The following ODR4 variants were observed in gnomAD, a reference collection of about 807,000 sequenced individuals.
ODR4 encodes the protein protein odr-4 homolog.
In ODR4, 47 loss-of-function variants were observed where a neutral mutation model predicts 60.2. The observed-to-expected ratio is 0.78, with a 90% CI of 0.62 to 1.00. ODR4 has a LOEUF of 1.00. Among genes scored for constraint, ODR4 ranks in the 50% least tolerant of loss-of-function variants. The pLI is 0.00. For missense variants in ODR4, 488 were observed against 530.8 expected, an observed-to-expected ratio of 0.92 and a Z score of 0.79; for synonymous variants, 178 against 175.5, an observed-to-expected ratio of 1.01 and a Z score of -0.11.
At chr1:186,430,337 C>T in the ODR4 span, among the ~76,000 whole-genome samples, 1 of 151,980 alleles carries the variant, frequency 6.6e-6, no homozygotes, top group Non-Finnish European at 1.5e-5. Flanking sequence ...GTACAAAAAT[C>T]CTTAATTAAA....
chr1:186,410,647 C>G (rs1661344263), intron 12 of ODR4, among the ~76,000 whole-genome samples: 1 of 152,058 alleles, frequency 6.6e-6, no homozygotes, highest in South Asian at 2.1e-4. Flanking sequence ...ATAATTTAAT[C>G]AGAAAAAAGT....
At chr1:186,388,585 G>C (rs1302942816) in intron 5 of ODR4, 37 bp downstream of exon 5, 1 of 1,171,342 alleles carries the variant, frequency 8.5e-7, no homozygotes, top group Admixed American at 3.2e-5. Flanking sequence ...AAAGTACAAA[G>C]TACCAAAATA....
intron 12 of ODR4, among the ~76,000 whole-genome samples, chr1:186,415,109 G>GT (rs34947095): frequency 0.089 from 13,459 of 151,770 alleles, 941 homozygotes; most frequent in East Asian, 0.38. Context: ...AGGGGGGAGG[G>GT]TTTTTTTGTT....
intron 12 of ODR4, among the ~76,000 whole-genome samples, chr1:186,411,437 C>T (rs1001046778): frequency 1.3e-5 from 2 of 151,974 alleles, no homozygotes; most frequent in African/African-American, 2.4e-5. Context: ...TTTGCTTTTG[C>T]AAATAAATAA....
chr1:186,380,071 CCT>C (rs1659967578), intron 2 of ODR4, among the ~76,000 whole-genome samples, 187 bp downstream of exon 2: 1 of 152,118 alleles, frequency 6.6e-6, no homozygotes, highest in South Asian at 2.1e-4. Context: ...AGTAGACAAA[CCT>C]AGCCCAATTT....
downstream of ODR4, among the ~76,000 whole-genome samples, chr1:186,422,097 TTAAAA>T (rs1661799756): frequency 2.0e-5 from 3 of 151,892 alleles, no homozygotes; most frequent in Admixed American, 2.0e-4. Context: ...ACTAGGCTGT[TTAAAA>T]TAAAACACCT....
intron 1 of ODR4, among the ~76,000 whole-genome samples, chr1:186,379,403 A>C (rs1659930003): frequency 6.7e-6 from 1 of 149,316 alleles, no homozygotes; most frequent in Non-Finnish European, 1.5e-5. Flanking sequence ...AGGTTGCGCC[A>C]CTGCACTCCA....
downstream of ODR4, among the ~76,000 whole-genome samples, chr1:186,423,615 C>A (rs1481200989): frequency 2.0e-5 from 3 of 151,490 alleles, no homozygotes; most frequent in Non-Finnish European, 1.5e-5. Context: ...CCACCACGCC[C>A]GGCTAATTTT....
At chr1:186,399,074 G>C in intron 11 of ODR4, 30 bp downstream of exon 11, 2 of 1,393,854 alleles carry the variant, frequency 1.4e-6, no homozygotes, top group South Asian at 2.4e-5. Context: ...ACTTTTTTGC[G>C]TATCTTCAAC....
At chr1:186,393,707 C>T (rs566437922) in intron 8 of ODR4, among the ~76,000 whole-genome samples, 4 of 152,218 alleles carry the variant, frequency 2.6e-5, no homozygotes, top group Middle Eastern at 3.4e-3. Flanking sequence ...TGGGTATTTG[C>T]CCACAGGCAG....
chr1:186,404,575 ATG>A (rs1186397060), intron 11 of ODR4, among the ~76,000 whole-genome samples: 3 of 152,188 alleles, frequency 2.0e-5, no homozygotes, highest in African/African-American at 7.2e-5. Flanking sequence ...CCTAATTTCA[ATG>A]TGTGGACAAT....
intron 5 of ODR4, among the ~76,000 whole-genome samples, chr1:186,389,351 G>A (rs1464176824): frequency 6.6e-6 from 1 of 151,976 alleles, no homozygotes; most frequent in Non-Finnish European, 1.5e-5. Context: ...ATAAAAGGTA[G>A]GAAATGATTT....
intron 10 of ODR4, 126 bp from the exon 11 acceptor site, chr1:186,398,824 TTGAA>T (rs2102055073): frequency 3.5e-6 from 2 of 575,946 alleles, no homozygotes; most frequent in South Asian, 5.7e-5. Context: ...AAATAAAACA[TTGAA>T]TGATGTATCA....
downstream of ODR4, among the ~76,000 whole-genome samples, chr1:186,424,291 A>C (rs543588502): frequency 3.9e-5 from 6 of 152,356 alleles, no homozygotes; most frequent in South Asian, 6.2e-4. Context: ...AGTATGCTAC[A>C]GTTTTTATAA....
intron 9 of ODR4, among the ~76,000 whole-genome samples, chr1:186,397,414 T>A (rs546359660): frequency 3.2e-4 from 48 of 151,660 alleles, no homozygotes; most frequent in African/African-American, 1.1e-3. Context: ...TTATTTTTTG[T>A]AAATCATTAT....
At chr1:186,433,830 C>T in the ODR4 span, among the ~76,000 whole-genome samples, 4 of 152,140 alleles carry the variant, frequency 2.6e-5, no homozygotes, top group South Asian at 2.1e-4. Context: ...CCACCCACCT[C>T]GGCCTCCCAA....
At chr1:186,432,836 A>G in the ODR4 span, among the ~76,000 whole-genome samples, 1 of 150,592 alleles carries the variant, frequency 6.6e-6, no homozygotes, top group South Asian at 2.1e-4. Flanking sequence ...CCCAGGCTAG[A>G]GTGCAATGGT....
At chr1:186,423,277 A>C (rs901524837), downstream of ODR4, among the ~76,000 whole-genome samples, 3 of 152,090 alleles carry the variant, frequency 2.0e-5, no homozygotes, top group African/African-American at 7.2e-5. Flanking sequence ...ATATTAAATC[A>C]GAGACATTCA....
chr1:186,429,082 C>A, the ODR4 span, among the ~76,000 whole-genome samples: 1 of 151,978 alleles, frequency 6.6e-6, no homozygotes, highest in Admixed American at 6.6e-5. Flanking sequence ...AAAAGAAAAA[C>A]AACAACACCA....
Sources: gnomAD v4.1 joint callset for allele counts (sites outside exome capture counted in the v4.1 genomes callset) on GRCh38, gnomAD v4.1.1 for gene constraint, MANE v1.5 for transcripts, NCBI Gene and HGNC (gene_info 2026-07-23, HGNC 2026-07-21) for gene names.